The following LARGE1 variants were observed in gnomAD, a reference collection of about 807,000 sequenced individuals.
The protein encoded by LARGE1 is xylosyl- and glucuronyltransferase LARGE1.
A neutral mutation model predicts 87.6 loss-of-function variants in LARGE1; 43 were observed. The observed-to-expected ratio is 0.49, with a 90% CI of 0.38 to 0.63. LARGE1 has a LOEUF of 0.63. Ranked by LOEUF, LARGE1 falls within the 30% of genes least tolerant of loss-of-function variation. The probability of loss-of-function intolerance (pLI) is 0.00; values close to 1 mark genes in which losing one functional copy is unlikely to be tolerated. For synonymous variants in LARGE1, 434 were observed against 394.6 expected, an observed-to-expected ratio of 1.10 and a Z score of -1.18; for missense variants, 802 against 1,000.2, an observed-to-expected ratio of 0.80 and a Z score of 2.67.
Position 33,263,846 on chromosome 22 carries a change from G to C in LARGE1, c.1730+40383C>G, listed in dbSNP as rs1927780472. 1.3e-5 allele frequency among the ~76,000 whole-genome samples: 2 copies of C among 152,222 alleles called. 1 individual carries two copies. Among genetic ancestry groups the C allele is most frequent in the South Asian group, 4.1e-4 (2 of 4,832 alleles). ...TGGATGCCATTTCATCTCCCATCAG[G>C]GATGCAGAAGAGCACAGCGGTTAAG... On this transcript the variant is annotated intron_variant, in intron 11 of 11. Transcript: ENST00000608642.
At chr22:33,747,390 C>T (rs2084129268) in intron 2 of LARGE1, among the ~76,000 whole-genome samples, 1 of 152,104 alleles carries the variant, frequency 6.6e-6, no homozygotes, top group South Asian at 2.1e-4. Flanking sequence ...CCAGACTCCT[C>T]CTTGGCATCC....
the LARGE1 span, among the ~76,000 whole-genome samples, chr22:33,093,996 C>A: frequency 6.6e-6 from 1 of 151,826 alleles, no homozygotes; most frequent in Non-Finnish European, 1.5e-5. Flanking sequence ...AGGTGATCTG[C>A]CTGCCTCGGT....
chr22:33,624,558 A>C (rs565183977), intron 4 of LARGE1, among the ~76,000 whole-genome samples: 5 of 152,276 alleles, frequency 3.3e-5, no homozygotes, highest in Admixed American at 2.0e-4. Context: ...ATAACCAGAC[A>C]CAACAGGCCG....
chr22:33,290,667 G>A (rs1252231152), intron 12 of LARGE1, among the ~76,000 whole-genome samples: 4 of 152,182 alleles, frequency 2.6e-5, no homozygotes, highest in Non-Finnish European at 4.4e-5. Flanking sequence ...CATGGAGGTC[G>A]CTGGTGGCAT....
intron 11 of LARGE1, among the ~76,000 whole-genome samples, chr22:33,237,485 A>G (rs981270145): frequency 5.3e-5 from 8 of 152,128 alleles, no homozygotes; most frequent in African/African-American, 1.7e-4. Context: ...CTCATGTAAT[A>G]AGAAGAATTA....
intron 5 of LARGE1, among the ~76,000 whole-genome samples, chr22:33,601,550 C>T (rs775656799): frequency 2.6e-5 from 4 of 152,104 alleles, no homozygotes; most frequent in Non-Finnish European, 5.9e-5. Flanking sequence ...TTCATCCTGG[C>T]TTTGTCATGA....
the LARGE1 span, among the ~76,000 whole-genome samples, chr22:33,088,227 T>C: frequency 1.3e-5 from 2 of 152,144 alleles, no homozygotes; most frequent in African/African-American, 4.8e-5. Flanking sequence ...GTGGGGATAC[T>C]AGAGGTTGGA....
At chr22:33,430,506 G>A (rs1169224083) in intron 7 of LARGE1, among the ~76,000 whole-genome samples, 1 of 152,192 alleles carries the variant, frequency 6.6e-6, no homozygotes, top group African/African-American at 2.4e-5. Flanking sequence ...GGAGACTCCA[G>A]GGTGGGAATC....
At chr22:33,288,879 G>T (rs1253650762) in intron 12 of LARGE1, among the ~76,000 whole-genome samples, 1 of 152,102 alleles carries the variant, frequency 6.6e-6, no homozygotes, top group Non-Finnish European at 1.5e-5. Flanking sequence ...TCAAAGTTTT[G>T]TTGCCCTTGT....
intron 2 of LARGE1, among the ~76,000 whole-genome samples, chr22:33,728,472 G>A (rs2083340233): frequency 6.9e-6 from 1 of 145,026 alleles, no homozygotes; most frequent in Admixed American, 7.2e-5. Context: ...CTGGGAGGCA[G>A]AGGCTGCAGT....
rs1266368769 is a variant in LARGE1 at position 33,304,459 on chromosome 22, G to A, written c.1500C>T (p.Ser500=). The change falls in exon 12 of 15, where the codon AGC becomes AGT. Residue 500 remains serine, a synonymous_variant. Transcript: ENST00000397394. ...AICKHWEGPI[S]LALYLSDAEA... ...CGGCGTCTGACAGGTAGAGGGCCAG[G>A]CTGATGGGCCCCTCCCAGTGCTTGC... 2 of 1,612,804 alleles carry A rather than the reference G, an allele frequency of 1.2e-6. No individual in the cohort carries two copies. Among genetic ancestry groups the A allele is most frequent in the Non-Finnish European group, 1.7e-6 (2 of 1,179,480 alleles).
chr22:33,275,097 G>A (rs890500094), intron 14 of LARGE1, among the ~76,000 whole-genome samples: 2 of 152,176 alleles, frequency 1.3e-5, no homozygotes, highest in African/African-American at 4.8e-5. Context: ...GAGTGCAAAA[G>A]AGGGTACAAA....
intron 2 of LARGE1, among the ~76,000 whole-genome samples, chr22:33,683,445 G>C (rs1195666716): frequency 6.6e-6 from 1 of 152,156 alleles, no homozygotes; most frequent in Non-Finnish European, 1.5e-5. Flanking sequence ...TTTGCTGACT[G>C]AAGATCTTGG....
the LARGE1 span, among the ~76,000 whole-genome samples, chr22:33,084,700 T>C: frequency 2.6e-5 from 4 of 152,130 alleles, no homozygotes; most frequent in African/African-American, 7.2e-5. Context: ...AAGCCACATA[T>C]GTAATTTTAA....
intron 11 of LARGE1, among the ~76,000 whole-genome samples, chr22:33,175,986 C>A (rs1922846748): frequency 6.6e-6 from 1 of 152,104 alleles, no homozygotes; most frequent in Non-Finnish European, 1.5e-5. Context: ...ACAGAGGCTG[C>A]AGAAATAACA....
chr22:33,364,340 A>C (rs895140708), intron 9 of LARGE1, among the ~76,000 whole-genome samples: 23 of 152,174 alleles, frequency 1.5e-4, no homozygotes, highest in African/African-American at 5.5e-4. Flanking sequence ...TACAGGCGTG[A>C]GCCACTGTGT....
chr22:33,688,654 C>T (rs2082011090), intron 2 of LARGE1, among the ~76,000 whole-genome samples: 1 of 152,058 alleles, frequency 6.6e-6, no homozygotes, highest in African/African-American at 2.4e-5. Flanking sequence ...CCCGGCCCTG[C>T]ATTGTTTTGA....
intron 11 of LARGE1, among the ~76,000 whole-genome samples, chr22:33,171,869 G>C (rs904107127): frequency 6.6e-6 from 1 of 152,200 alleles, no homozygotes; most frequent in East Asian, 1.9e-4. Context: ...TGCCTAGTGA[G>C]AAGAGGACCA....
intron 1 of LARGE1, among the ~76,000 whole-genome samples, chr22:33,771,174 CTT>C (rs577979720): frequency 9.2e-5 from 13 of 140,574 alleles, no homozygotes; most frequent in Admixed American, 1.4e-4. Flanking sequence ...TATTTTTTTG[CTT>C]TTTTTTTTTT....
Sources: gnomAD v4.1 joint callset for allele counts (sites outside exome capture counted in the v4.1 genomes callset) on GRCh38, gnomAD v4.1.1 for gene constraint, MANE v1.5 for transcripts, NCBI Gene and HGNC (gene_info 2026-07-23, HGNC 2026-07-21) for gene names.